Variants in BRINP2 observed in about 807,000 individuals in gnomAD.
The protein encoded by BRINP2 is BMP/retinoic acid inducible neural specific 2, also known as BMP/retinoic acid-inducible neural-specific protein 2.
A neutral mutation model predicts 69.2 loss-of-function variants in BRINP2; 21 were observed. That is an observed-to-expected ratio of 0.30 (90% CI 0.22 to 0.44). BRINP2 has a LOEUF of 0.44. Ranked by LOEUF, BRINP2 falls within the 20% of genes least tolerant of loss-of-function variation. The probability of loss-of-function intolerance (pLI) is 1.00; values close to 1 mark genes in which losing one functional copy is unlikely to be tolerated. For synonymous variants in BRINP2, 380 were observed against 394.1 expected, an observed-to-expected ratio of 0.96 and a Z score of 0.42; for missense variants, 877 against 986.0, an observed-to-expected ratio of 0.89 and a Z score of 1.48.
chr1:177,268,908 A>G (rs988204887), intron 4 of BRINP2, among the ~76,000 whole-genome samples: 5 of 152,156 alleles, frequency 3.3e-5, no homozygotes, highest in Non-Finnish European at 5.9e-5. Flanking sequence ...TATTTCTATG[A>G]CCTTGAGAAG....
intron 2 of BRINP2, among the ~76,000 whole-genome samples, chr1:177,238,109 G>A (rs1302203655): frequency 6.6e-6 from 1 of 152,178 alleles, no homozygotes; most frequent in Non-Finnish European, 1.5e-5. Flanking sequence ...TACAAGGGCT[G>A]GGGACAGACC....
intron 1 of BRINP2, among the ~76,000 whole-genome samples, chr1:177,196,981 C>T (rs952965581): frequency 2.0e-5 from 3 of 152,088 alleles, no homozygotes; most frequent in Non-Finnish European, 2.9e-5. Context: ...ACATCTCAAA[C>T]GTGACTGTGT....
In BRINP2 at chr1:177,281,645, C is replaced by G. The variant is rs559625542; in HGVS notation, c.*117C>G. 7.3e-7 allele frequency: 1 copy of G among 1,368,830 alleles called. No individual in the cohort carries two copies. Among genetic ancestry groups the G allele is most frequent in the African/African-American group, 1.4e-5 (1 of 69,082 alleles). The allele number at this position is 1,368,830 out of a possible 1,614,324, so 84.8% of individuals were successfully genotyped here. A position where few individuals can be genotyped will look rare whatever the true frequency, so the allele number is the denominator to read the frequency against. On this transcript the variant is annotated 3_prime_UTR_variant, in exon 8 of 8. Coordinates refer to ENST00000361539, the MANE Select transcript of BRINP2 (RefSeq NM_021165.4). ...GTGCTCCCACGAGACTTTCAGCATC[C>G]AGTAGATGGGACCTCGAGGCTCGAG...
At chr1:177,270,639 T>C (rs1195473783) in intron 4 of BRINP2, among the ~76,000 whole-genome samples, 1 of 152,186 alleles carries the variant, frequency 6.6e-6, no homozygotes, top group Non-Finnish European at 1.5e-5. Context: ...GCTTGTTAGC[T>C]TCCTTCTTTC....
intron 1 of BRINP2, among the ~76,000 whole-genome samples, chr1:177,212,082 TA>T (rs1366659868): frequency 2.0e-5 from 3 of 149,224 alleles, no homozygotes; most frequent in South Asian, 2.1e-4. Flanking sequence ...GATAGATAGA[TA>T]GATAGATAGA....
At chr1:177,222,606 C>G (rs946471364) in intron 1 of BRINP2, among the ~76,000 whole-genome samples, 16 of 152,132 alleles carry the variant, frequency 1.1e-4, no homozygotes, top group Admixed American at 2.0e-4. Context: ...GCCACTGTGG[C>G]CGGTCAGGCC....
chr1:177,174,810 T>C (rs1648039599), intron 1 of BRINP2, among the ~76,000 whole-genome samples: 1 of 152,210 alleles, frequency 6.6e-6, no homozygotes, highest in Non-Finnish European at 1.5e-5. Flanking sequence ...CTACAGGAAG[T>C]TGCCCTAGAA....
rs558341309 is a variant in BRINP2, at chr1:177,236,524, T to C, written c.269+6379T>C. Among the ~76,000 whole-genome samples the C allele has an allele frequency of 8.9e-4, 136 of 152,344 alleles. 1 individual carries two copies. Among genetic ancestry groups the C allele is most frequent in the South Asian group, 2.5e-3 (12 of 4,828 alleles). ...TTTTTGAGGGCCAGCTTGGTGCTTA[T>C]TATTGCACTAGATTCTGATAATAGA... On this transcript the variant is annotated intron_variant, in intron 2 of 7. Coordinates refer to ENST00000361539, the MANE Select transcript of BRINP2 (RefSeq NM_021165.4).
chr1:177,221,813 T>C (rs1649539456), intron 1 of BRINP2, among the ~76,000 whole-genome samples: 2 of 152,308 alleles, frequency 1.3e-5, no homozygotes, highest in South Asian at 4.2e-4. Flanking sequence ...ACAGAGGCTG[T>C]AGGAAGCCAA....
intron 1 of BRINP2, among the ~76,000 whole-genome samples, chr1:177,192,501 T>C (rs780079286): frequency 6.6e-6 from 1 of 152,160 alleles, no homozygotes; most frequent in African/African-American, 2.4e-5. Context: ...GTCTAACTTA[T>C]TTTTTTCCCC....
intron 2 of BRINP2, among the ~76,000 whole-genome samples, chr1:177,236,709 G>A (rs1271802153): frequency 6.6e-6 from 1 of 152,174 alleles, no homozygotes; most frequent in Non-Finnish European, 1.5e-5. Flanking sequence ...GGAGGCTTGT[G>A]GAATGGTGGT....
At chr1:177,206,167 C>T (rs1295877526) in intron 1 of BRINP2, among the ~76,000 whole-genome samples, 1 of 152,138 alleles carries the variant, frequency 6.6e-6, no homozygotes, top group Non-Finnish European at 1.5e-5. Flanking sequence ...AATGAACCAC[C>T]CTAGACCTGA....
intron 2 of BRINP2, among the ~76,000 whole-genome samples, chr1:177,251,181 T>C (rs1321811470): frequency 2.0e-5 from 3 of 152,190 alleles, no homozygotes; most frequent in Non-Finnish European, 2.9e-5. Flanking sequence ...GTACTCTCTG[T>C]ATGGACTTGG....
intron 7 of BRINP2, 44 bp downstream of exon 7, chr1:177,278,829 C>A (rs774193685): frequency 6.3e-7 from 1 of 1,581,394 alleles, no homozygotes; most frequent in Non-Finnish European, 8.7e-7. Context: ...AGCACCTCCC[C>A]TGACAGCTGC....
At chr1:177,271,050 GTTGT>G (rs942743319) in intron 4 of BRINP2, among the ~76,000 whole-genome samples, 2 of 152,202 alleles carry the variant, frequency 1.3e-5, no homozygotes, top group Admixed American at 6.5e-5. Flanking sequence ...GAACACTGGG[GTTGT>G]TTAAGTACAT....
intron 1 of BRINP2, among the ~76,000 whole-genome samples, chr1:177,209,619 C>T (rs747250325): frequency 9.2e-5 from 14 of 152,156 alleles, no homozygotes; most frequent in East Asian, 1.9e-4. Flanking sequence ...CTCCGCCTCA[C>T]GCAAGTGGAG....
At chr1:177,190,567 G>C (rs115155905) in intron 1 of BRINP2, among the ~76,000 whole-genome samples, 243 of 152,256 alleles carry the variant, frequency 1.6e-3, no homozygotes, top group Middle Eastern at 3.4e-3. Context: ...TTGTTCCCCT[G>C]GTGGGAGTAA....
At position 177,278,622 on chromosome 1, in the gene BRINP2, A is replaced by G. The variant is rs771622583; in HGVS notation, c.1072A>G (p.Ile358Val). The G allele has an allele frequency of 3.1e-6, 5 of 1,614,192 alleles. No homozygotes were observed. The East Asian group carries it at 8.9e-5, about 29-fold the overall frequency. The change falls in exon 7 of 8, where the codon ATC (isoleucine) becomes GTC (valine). Residue 358 changes from isoleucine (I) to valine (V), a missense_variant. By Grantham distance (29) the Ile-to-Val change is conservative (BLOSUM62 3). Transcript: ENST00000361539. ...PDDRFLNSTA[I>V]SQFWAMDTSL... Reference sequence around the variant, plus strand: ...TGACCGGTTCCTGAACTCCACAGCTATCTCCCAGTTCTGGGCCATGGACAC... The same window carrying G: ...TGACCGGTTCCTGAACTCCACAGCTGTCTCCCAGTTCTGGGCCATGGACAC...
chr1:177,266,127 T>G (rs928904334), intron 4 of BRINP2, among the ~76,000 whole-genome samples: 1 of 150,772 alleles, frequency 6.6e-6, no homozygotes, highest in Non-Finnish European at 1.5e-5. Flanking sequence ...CTCAAAATAA[T>G]AATAATAATA....
Sources: allele counts gnomAD v4.1 joint callset (sites outside exome capture counted in the v4.1 genomes callset), GRCh38; gene constraint gnomAD v4.1.1; transcripts MANE v1.5; gene names NCBI Gene and HGNC (gene_info 2026-07-23, HGNC 2026-07-21).